Variants in DACT1 observed in about 807,000 individuals in gnomAD.
The protein encoded by DACT1 is dapper homolog 1.
DACT1 carries 19 observed loss-of-function variants against 35.3 expected under a neutral mutation model. The observed-to-expected ratio is 0.54, with a 90% CI of 0.38 to 0.79. The LOEUF is 0.79. DACT1 is among the 30% of genes least tolerant of loss of function. The pLI is 0.00. For synonymous variants in DACT1, 545 were observed against 466.7 expected (o/e 1.17, Z -2.16); for missense variants, 1,143 against 1,057.5 (o/e 1.08, Z -1.12).
In DACT1 at chr14:58,646,498, G is replaced by A; in HGVS notation, c.1764G>A (p.Lys588=). The A allele has an allele frequency of 6.4e-7, 1 of 1,562,348 alleles. No individual in the cohort carries two copies. The highest frequency in any genetic ancestry group is 8.6e-7 in the Non-Finnish European group (1 of 1,158,900). ...PDDLDTNKKL[K]KASSKGRKSG... ...ACTTGGATACAAATAAGAAACTCAA[G>A]AAAGCCTCCTCCAAGGGGAGGAAGA... The change falls in exon 4 of 4, where the codon AAG becomes AAA. Residue 588 remains lysine (K), a synonymous_variant. Coordinates refer to ENST00000395153, the MANE Select transcript of DACT1 (RefSeq NM_001079520.2).
chr14:58,640,641 ACT>A, intron 1 of DACT1, 93 bp from the exon 2 acceptor site: 2 of 1,452,580 alleles, frequency 1.4e-6, no homozygotes, highest in Non-Finnish European at 1.8e-6. Flanking sequence ...AGTTTAGTGA[ACT>A]CTTCAGATGG....
chr14:58,647,010 T>A lies in DACT1; in HGVS notation c.2276T>A (p.Val759Glu), dbSNP rs771706635. ...QFVQTLPIQT[V>E]TAPDLHNHPA... The stretch of plus-strand genomic sequence containing the variant: ...GTCCAGACTCTGCCCATTCAAACGG[T>A]AACGGCCCCAGACCTTCACAACCAC... The change falls in exon 4 of 4, where the codon GTA (valine) becomes GAA (glutamate). Residue 759 changes from valine (V) to glutamate (E), a missense_variant. Around this residue, in one of 3 missense-constraint regions of DACT1, gnomAD observed 1,054 missense variants for 958.8 expected, o/e 1.10. Transcript: ENST00000395153. The A allele has an allele frequency of 5.0e-6, 8 of 1,614,038 alleles. No individual in the cohort carries two copies. The highest frequency in any genetic ancestry group is 2.7e-5 in the African/African-American group (2 of 74,904).
Position 58,638,224 on chromosome 14 carries a change from A to G in DACT1, c.22A>G (p.Thr8Ala). The change falls in exon 1 of 4, where the codon ACG (threonine) becomes GCG (alanine). Residue 8 changes from threonine (T) to alanine (A), a missense_variant. Around this residue, in one of 3 missense-constraint regions of DACT1, gnomAD observed 85 missense variants for 81.8 expected, o/e 1.04. Transcript: ENST00000395153. ...GGCCATGAAGCCGAGTCCGGCCGGGACGGCGAAGGAGCTGGAGCCTCCGGC... is the reference window on the plus strand; with the variant it reads ...GGCCATGAAGCCGAGTCCGGCCGGGGCGGCGAAGGAGCTGGAGCCTCCGGC... Reference protein sequence around the residue: MKPSPAGTAKELEPPAPA... With the variant: MKPSPAGAAKELEPPAPA... 1.5e-6 allele frequency: 2 copies of G among 1,348,876 alleles called. No individual in the cohort carries two copies. The highest frequency in any genetic ancestry group is 3.5e-5 in the Admixed American group (1 of 28,920). 83.6% of individuals were successfully genotyped at this position (1,348,876 alleles called of 1,614,324 possible).
In DACT1 at chr14:58,646,440, G is replaced by C. The variant is rs897428546; in HGVS notation, c.1706G>C (p.Arg569Pro). 2 of 1,588,760 alleles carry C rather than the reference G, an allele frequency of 1.3e-6. No homozygotes were observed. Among genetic ancestry groups the C allele is most frequent in the Non-Finnish European group, 1.7e-6 (2 of 1,170,774 alleles). ...NGLPTVREKTRAGSKKCRFPD... is the reference protein window; with the variant it reads ...NGLPTVREKTPAGSKKCRFPD... The stretch of plus-strand genomic sequence containing the variant: ...TTGCCCACCGTCAGGGAGAAAACGC[G>C]GGCCGGGAGCAAGAAGTGTCGCTTC... The change falls in exon 4 of 4, where the codon CGG becomes CCG. Residue 569 changes from arginine to proline, a missense_variant. By Grantham distance (103) the Arg-to-Pro change is moderately radical. Around this residue, in one of 3 missense-constraint regions of DACT1, gnomAD observed 1,054 missense variants for 958.8 expected, o/e 1.10. Coordinates refer to ENST00000395153, the MANE Select transcript of DACT1 (RefSeq NM_001079520.2).
rs1378491232 is a variant in DACT1, at chr14:58,638,480, C to T, written c.278C>T (p.Ala93Val). Residue 93 changes from alanine (A) to valine (V), a missense_variant, in exon 1 of 4, where the codon GCG becomes GTG. Coordinates refer to ENST00000395153, the MANE Select transcript of DACT1 (RefSeq NM_001079520.2). ...CGCGCTGGGGAGCTACTGGGGGAGG[C>T]GGCGCAGCGCAGTCGCCTGGAGGAG... ...APRAGELLGEAAQRSRLEEKF... is the reference protein window; with the variant it reads ...APRAGELLGEVAQRSRLEEKF... The T allele has an allele frequency of 1.5e-6, 2 of 1,356,548 alleles. No individual in the cohort carries two copies. The highest frequency in any genetic ancestry group is 1.9e-6 in the Non-Finnish European group (2 of 1,048,992). 84.0% of individuals were successfully genotyped at this position (1,356,548 alleles called of 1,614,324 possible).
chr14:58,639,325 TG>T (rs1258523614), intron 1 of DACT1: 15 of 947,130 alleles, frequency 1.6e-5, no homozygotes, highest in Non-Finnish European at 1.6e-5. Flanking sequence ...TCTTCATTAA[TG>T]GGGAAGAAAA....
Position 58,647,266 on chromosome 14 carries a change from T to A in DACT1, c.*132T>A. 1 of 1,091,722 alleles carries A rather than the reference T, an allele frequency of 9.2e-7. No individual in the cohort carries two copies. Among genetic ancestry groups the A allele is most frequent in the Non-Finnish European group, 1.3e-6 (1 of 760,892 alleles). 67.6% of individuals were successfully genotyped at this position (1,091,722 alleles called of 1,614,324 possible). On this transcript the variant is annotated 3_prime_UTR_variant, in exon 4 of 4. Coordinates refer to ENST00000395153, the MANE Select transcript of DACT1 (RefSeq NM_001079520.2). ...TTTTTAAAAAAATATAAAACCAAGG[T>A]AAATTATTGTTTCATCTTCACGTAT...
chr14:58,638,189 C>A lies in DACT1; in HGVS notation c.-14C>A. 7.7e-7 allele frequency: 1 copy of A among 1,299,036 alleles called. No individual in the cohort carries two copies. Among genetic ancestry groups the A allele is most frequent in the Non-Finnish European group, 9.8e-7 (1 of 1,025,432 alleles). The allele number at this position is 1,299,036 out of a possible 1,614,324, so 80.5% of individuals were successfully genotyped here. A position where few individuals can be genotyped will look rare whatever the true frequency, so the allele number is the denominator to read the frequency against. Reference sequence around the variant, plus strand: ...CCGGCTGCGGTGACGGCTCTCGCTGCCCGACTGGGGGCCATGAAGCCGAGT... The same window carrying A: ...CCGGCTGCGGTGACGGCTCTCGCTGACCGACTGGGGGCCATGAAGCCGAGT... On this transcript the variant is annotated 5_prime_UTR_variant, in exon 1 of 4. Transcript: ENST00000395153.
rs570820105 is a variant in DACT1 at position 58,646,597 on chromosome 14, T to A, written c.1863T>A (p.His621Gln). 5.7e-6 allele frequency: 9 copies of A among 1,592,910 alleles called. No homozygotes were observed. Among genetic ancestry groups the A allele is most frequent in the Non-Finnish European group, 6.8e-6 (8 of 1,170,030 alleles). The change falls in exon 4 of 4, where the codon CAT becomes CAA. Residue 621 changes from histidine to glutamine, a missense_variant. His to Gln is a conservative substitution (Grantham distance 24, BLOSUM62 0). This residue lies in a region of DACT1 where 1,054 missense variants were observed against 958.8 expected (regional missense o/e 1.10). Transcript: ENST00000395153. ...GCCACAGGGCGGGGAGCAGGGCGCA[T>A]GGCCACGGACGGGAGGCGGTGGTGG... ...GGGHRAGSRA[H>Q]GHGREAVVAK...
At position 58,646,539 on chromosome 14, in the gene DACT1, A is replaced by G; in HGVS notation, c.1805A>G (p.Glu602Gly). ...GGGAGGAAGAGTGGGGGCGGGCCCG[A>G]GGCTGGTGTTCCCGGCAGGCCCGCG... ...SKGRKSGGGP[E>G]AGVPGRPAGG... The change falls in exon 4 of 4, where the codon GAG (glutamate) becomes GGG (glycine). Residue 602 changes from glutamate to glycine, a missense_variant. By Grantham distance (98) the Glu-to-Gly change is moderately conservative. Coordinates refer to ENST00000395153, the MANE Select transcript of DACT1 (RefSeq NM_001079520.2). 1.9e-6 allele frequency: 3 copies of G among 1,555,918 alleles called. No homozygotes were observed. Among genetic ancestry groups the G allele is most frequent in the Non-Finnish European group, 2.6e-6 (3 of 1,153,392 alleles).
At position 58,638,474 on chromosome 14, in the gene DACT1, G is replaced by A. The variant is rs1481076296; in HGVS notation, c.272G>A (p.Gly91Glu). 1 of 1,359,108 alleles carries A rather than the reference G, an allele frequency of 7.4e-7. No homozygotes were observed. The highest frequency in any genetic ancestry group is 9.5e-7 in the Non-Finnish European group (1 of 1,050,554). 84.2% of individuals were successfully genotyped at this position (1,359,108 alleles called of 1,614,324 possible). ...AAAPRAGELL[G>E]EAAQRSRLEE... ...GCGCCCCGCGCTGGGGAGCTACTGG[G>A]GGAGGCGGCGCAGCGCAGTCGCCTG... Residue 91 changes from glycine (G) to glutamate (E), a missense_variant, in exon 1 of 4, where the codon GGG (glycine) becomes GAG (glutamate). Physicochemically the swap from Gly to Glu is moderately conservative, Grantham distance 98 (BLOSUM62 -2). Coordinates refer to ENST00000395153, the MANE Select transcript of DACT1 (RefSeq NM_001079520.2).
At chr14:58,635,535 A>G (rs1005997902), upstream of DACT1, among the ~76,000 whole-genome samples, 2 of 152,152 alleles carry the variant, frequency 1.3e-5, no homozygotes, top group African/African-American at 4.8e-5. Context: ...CTTTTTTCCT[A>G]TTCGTGACCA....
At position 58,646,756 on chromosome 14, in the gene DACT1, G is replaced by C. The variant is rs1424163313; in HGVS notation, c.2022G>C (p.Leu674=). The change falls in exon 4 of 4, where the codon CTG becomes CTC. Residue 674 remains leucine, a synonymous_variant. Coordinates refer to ENST00000395153, the MANE Select transcript of DACT1 (RefSeq NM_001079520.2). ...GGCTGTACCCCGCGCCTGTGCCTCT[G>C]CCCTACGCCAGCCCCTACGCCTACG... ...NVGLYPAPVP[L]PYASPYAYVA... 7 of 1,613,894 alleles carry C rather than the reference G, an allele frequency of 4.3e-6. No homozygotes were observed. Among genetic ancestry groups the C allele is most frequent in the East Asian group, 4.5e-5 (2 of 44,882 alleles).
At chr14:58,640,333 A>G (rs909820183) in intron 1 of DACT1, among the ~76,000 whole-genome samples, 2 of 152,226 alleles carry the variant, frequency 1.3e-5, no homozygotes, top group Non-Finnish European at 1.5e-5. Flanking sequence ...CTAAGATTAT[A>G]GTGTATTATA....
chr14:58,646,217 G>A lies in DACT1; in HGVS notation c.1483G>A (p.Val495Met), dbSNP rs200502429. 44 of 1,613,720 alleles carry A rather than the reference G, an allele frequency of 2.7e-5. No individual in the cohort carries two copies. Among genetic ancestry groups the A allele is most frequent in the Non-Finnish European group, 3.4e-5 (40 of 1,179,884 alleles). Residue 495 changes from valine to methionine, a missense_variant, in exon 4 of 4, where the codon GTG becomes ATG. By Grantham distance (21) the Val-to-Met change is conservative (BLOSUM62 1). Transcript: ENST00000395153. ...TPPLLSTAFP[V>M]EERPALDFKS... ...TCCCCTGCTGTCTACAGCTTTCCCC[G>A]TGGAAGAGAGGCCTGCCTTGGATTT...
At position 58,646,721 on chromosome 14, in the gene DACT1, G is replaced by C; in HGVS notation, c.1987G>C (p.Glu663Gln). Residue 663 changes from glutamate (E) to glutamine (Q), a missense_variant, in exon 4 of 4, where the codon GAG (glutamate) becomes CAG (glutamine). Coordinates refer to ENST00000395153, the MANE Select transcript of DACT1 (RefSeq NM_001079520.2). The stretch of plus-strand genomic sequence containing the variant: ...GAGGAGGGCCCGGCGCGGTCGCCGG[G>C]AGAATGTGGGGCTGTACCCCGCGCC... ...ALRRARRGRRENVGLYPAPVP... is the reference protein window; with the variant it reads ...ALRRARRGRRQNVGLYPAPVP... 6.2e-7 allele frequency: 1 copy of C among 1,613,562 alleles called. No individual in the cohort carries two copies. The highest frequency in any genetic ancestry group is 2.2e-5 in the East Asian group (1 of 44,856).
Position 58,646,107 on chromosome 14 carries a change from C to T in DACT1, c.1373C>T (p.Ala458Val). 1.2e-6 allele frequency: 2 copies of T among 1,612,758 alleles called. No homozygotes were observed. Among genetic ancestry groups the T allele is most frequent in the South Asian group, 1.1e-5 (1 of 90,902 alleles). Residue 458 changes from alanine to valine, a missense_variant, in exon 4 of 4, where the codon GCC (alanine) becomes GTC (valine). This residue lies in a region of DACT1 where 1,054 missense variants were observed against 958.8 expected (regional missense o/e 1.10). Transcript: ENST00000395153. ...AAAGAGAGTCCTAGCAGAGGCCCTG[C>T]CCCGCCGCAGGAGAACAAAGTTGTA... ...SPKESPSRGP[A>V]PPQENKVVQP...
Position 58,645,919 on chromosome 14 carries a change from G to A in DACT1, c.1185G>A (p.Arg395=). The change falls in exon 4 of 4, where the codon AGG becomes AGA. Residue 395 remains arginine, a synonymous_variant. Coordinates refer to ENST00000395153, the MANE Select transcript of DACT1 (RefSeq NM_001079520.2). ...AGGCCGAACAAGCCGAAAGCAAGAG[G>A]GTGCCCCTGCCAGAGGGCTGCCCCT... ...ESKAEQAESK[R]VPLPEGCPSG... 6.2e-7 allele frequency: 1 copy of A among 1,614,148 alleles called. No homozygotes were observed. The highest frequency in any genetic ancestry group is 8.5e-7 in the Non-Finnish European group (1 of 1,180,038).
At position 58,647,074 on chromosome 14, in the gene DACT1, C is replaced by T. The variant is rs754303146; in HGVS notation, c.2340C>T (p.Asn780=). Residue 780 remains asparagine (N), a synonymous_variant, in exon 4 of 4, where the codon AAC becomes AAT. Coordinates refer to ENST00000395153, the MANE Select transcript of DACT1 (RefSeq NM_001079520.2). The part of the protein sequence containing the change: ...KTFVKIKASH[N]LKKKILRFRS... ...TTGTCAAAATTAAGGCCTCACATAA[C>T]CTCAAGAAGAAGATCCTCCGCTTTC... is the stretch of plus-strand genomic sequence containing the variant. 9 of 1,614,162 alleles carry T rather than the reference C, an allele frequency of 5.6e-6. No individual in the cohort carries two copies. The highest frequency in any genetic ancestry group is 5.9e-6 in the Non-Finnish European group (7 of 1,180,034).
Sources: allele counts gnomAD v4.1 joint callset (sites outside exome capture counted in the v4.1 genomes callset), GRCh38; gene constraint gnomAD v4.1.1; regional missense constraint gnomAD v4.1.1; transcripts MANE v1.5; gene names NCBI Gene and HGNC (gene_info 2026-07-23, HGNC 2026-07-21).